Variants in CAMK1D observed in about 807,000 individuals in gnomAD.
The protein encoded by CAMK1D is calcium/calmodulin-dependent protein kinase type 1D.
A neutral mutation model predicts 47.7 loss-of-function variants in CAMK1D; 9 were observed. The ratio of observed to expected loss-of-function variants is 0.19; its 90% CI spans 0.11 to 0.33. The LOEUF (loss-of-function observed/expected upper bound fraction) is 0.33, where lower values mean the gene tolerates loss of function less well. Among genes scored for constraint, CAMK1D ranks in the 10% least tolerant of loss-of-function variants. The pLI is 1.00. For synonymous variants in CAMK1D, 184 were observed against 184.9 expected, an observed-to-expected ratio of 0.99 and a Z score of 0.04; for missense variants, 291 against 488.7, an observed-to-expected ratio of 0.60 and a Z score of 3.81.
intron 3 of CAMK1D, among the ~76,000 whole-genome samples, chr10:12,751,809 G>A (rs894058424): frequency 6.6e-6 from 1 of 152,156 alleles, no homozygotes; most frequent in African/African-American, 2.4e-5. Flanking sequence ...GCCATGTGGT[G>A]GGCGGCTGGG....
chr10:12,614,085 A>G (rs1291446276), intron 2 of CAMK1D, among the ~76,000 whole-genome samples: 1 of 151,922 alleles, frequency 6.6e-6, no homozygotes. Flanking sequence ...GGTGATGTTA[A>G]AAGAGCCAGA....
intron 3 of CAMK1D, among the ~76,000 whole-genome samples, chr10:12,678,777 T>C: frequency 6.6e-6 from 1 of 152,146 alleles, no homozygotes; most frequent in Non-Finnish European, 1.5e-5. Context: ...ATGTTTTTAA[T>C]CCAATAATTT....
At chr10:12,491,413 A>G (rs1834379297) in intron 1 of CAMK1D, among the ~76,000 whole-genome samples, 1 of 152,158 alleles carries the variant, frequency 6.6e-6, no homozygotes, top group Non-Finnish European at 1.5e-5. Context: ...CTGCTGCCTC[A>G]TAGTCCAGGG....
chr10:12,734,340 AAAAAAATATATAT>A lies in CAMK1D; in HGVS notation c.300-26606_300-26594del, dbSNP rs1229131574. Among the ~76,000 whole-genome samples the A allele has an allele frequency of 4.4e-3, 122 of 27,752 alleles. 1 individual carries two copies. The highest frequency in any genetic ancestry group is 0.017 in the Admixed American group (25 of 1,440). The allele number at this position is 27,752 out of a possible 152,430, so 18.2% of individuals were successfully genotyped here. A position where few individuals can be genotyped will look rare whatever the true frequency, so the allele number is the denominator to read the frequency against. On this transcript the variant is annotated intron_variant, in intron 3 of 10. Transcript: ENST00000619168. The stretch of plus-strand genomic sequence containing the variant: ...TCCATCTCAAAAAAAAAAAAAAAAA[AAAAAAATATATAT>A]ATATATATATATATATATATATATA...
chr10:12,505,534 T>A (rs2815659), intron 1 of CAMK1D, among the ~76,000 whole-genome samples: 104,014 of 151,976 alleles, frequency 0.68, 35,630 homozygotes, highest in South Asian at 0.73. Flanking sequence ...TTTCCTGGGC[T>A]GTTGGTCCAT....
intron 3 of CAMK1D, among the ~76,000 whole-genome samples, chr10:12,740,458 C>T (rs1049013190): frequency 1.1e-4 from 16 of 152,086 alleles, no homozygotes; most frequent in African/African-American, 3.6e-4. Context: ...ATCAGCCAGA[C>T]GTGGTGGCAA....
chr10:12,737,215 C>T (rs941073706), intron 3 of CAMK1D, among the ~76,000 whole-genome samples: 2 of 152,080 alleles, frequency 1.3e-5, no homozygotes, highest in Non-Finnish European at 2.9e-5. Flanking sequence ...CACTTTCTTT[C>T]CCTCCCTGTT....
At chr10:12,613,801 G>A (rs879753) in intron 2 of CAMK1D, among the ~76,000 whole-genome samples, 33,848 of 152,180 alleles carry the variant, frequency 0.22, 4,214 homozygotes, top group South Asian at 0.34. Context: ...CCTTTTGTAG[G>A]GGCAGAAACA....
chr10:12,578,430 C>T (rs1837559044), intron 2 of CAMK1D, among the ~76,000 whole-genome samples: 2 of 151,722 alleles, frequency 1.3e-5, no homozygotes, highest in African/African-American at 2.4e-5. Context: ...ATTAGTTGGG[C>T]GTGGTGGTGC....
chr10:12,756,497 A>T (rs117374812), intron 3 of CAMK1D, among the ~76,000 whole-genome samples: 3,273 of 152,360 alleles, frequency 0.021, 45 homozygotes, highest in Non-Finnish European at 0.033. Context: ...TTTGAAAGAA[A>T]TGGGATCATG....
intron 5 of CAMK1D, among the ~76,000 whole-genome samples, chr10:12,773,546 G>A (rs142411433): frequency 3.7e-4 from 57 of 152,146 alleles, no homozygotes; most frequent in African/African-American, 1.3e-3. Flanking sequence ...CTGTGGATCC[G>A]CATATTTTGA....
intron 1 of CAMK1D, among the ~76,000 whole-genome samples, chr10:12,419,201 C>T (rs1374397227): frequency 1.3e-5 from 2 of 151,936 alleles, no homozygotes; most frequent in East Asian, 1.9e-4. Flanking sequence ...TTCCTCAAAA[C>T]TCAACAGCCA....
At position 12,516,205 on chromosome 10, in the gene CAMK1D, G is replaced by A. The variant is rs187950519; in HGVS notation, c.93-37020G>A. Among the ~76,000 whole-genome samples the A allele has an allele frequency of 2.4e-4, 37 of 152,252 alleles. No individual in the cohort carries two copies. In the East Asian group the frequency reaches 6.8e-3, roughly 28 times the overall value. On this transcript the variant is annotated intron_variant, in intron 1 of 10. Transcript: ENST00000619168. The stretch of plus-strand genomic sequence containing the variant: ...ATTTACTGCAAGCTCTGCCTCCTGG[G>A]TTCAAGCAATTCTCTGCCTCAGCCT...
At chr10:12,450,983 C>G (rs1159513635) in intron 1 of CAMK1D, among the ~76,000 whole-genome samples, 2 of 152,126 alleles carry the variant, frequency 1.3e-5, no homozygotes, top group African/African-American at 4.8e-5. Flanking sequence ...CTTTGAAGAC[C>G]TCCCACCTAG....
intron 2 of CAMK1D, among the ~76,000 whole-genome samples, chr10:12,616,506 T>C (rs1290978609): frequency 6.3e-5 from 4 of 63,218 alleles, no homozygotes; most frequent in Non-Finnish European, 2.3e-4. Flanking sequence ...TGTTTGTTTG[T>C]TTTTTGTTGT....
At chr10:12,489,569 T>C (rs1834318251) in intron 1 of CAMK1D, among the ~76,000 whole-genome samples, 1 of 152,176 alleles carries the variant, frequency 6.6e-6, no homozygotes, top group Admixed American at 6.5e-5. Flanking sequence ...TGGGGTGGCC[T>C]TGGGAGGAGG....
intron 1 of CAMK1D, among the ~76,000 whole-genome samples, chr10:12,454,258 G>A (rs1833174594): frequency 6.6e-6 from 1 of 152,216 alleles, no homozygotes; most frequent in African/African-American, 2.4e-5. Context: ...CGCCTCCTGG[G>A]TTCAAGCAAT....
chr10:12,751,985 C>CT (rs111668928), intron 3 of CAMK1D, among the ~76,000 whole-genome samples: 1,948 of 144,498 alleles, frequency 0.013, 36 homozygotes, highest in African/African-American at 0.041. Flanking sequence ...CTTGGATTAT[C>CT]TTTTTTTTTT....
intron 1 of CAMK1D, among the ~76,000 whole-genome samples, chr10:12,452,723 T>G (rs978883787): frequency 1.1e-4 from 17 of 151,986 alleles, no homozygotes; most frequent in African/African-American, 3.4e-4. Context: ...GTAGTTGGGA[T>G]TACAGGTATG....
Sources: gnomAD v4.1 joint callset for allele counts (sites outside exome capture counted in the v4.1 genomes callset) on GRCh38, gnomAD v4.1.1 for gene constraint, MANE v1.5 for transcripts, NCBI Gene and HGNC (gene_info 2026-07-23, HGNC 2026-07-21) for gene names.